Variants in NRCAM observed in about 807,000 individuals in gnomAD.
NRCAM encodes the protein neuronal cell adhesion molecule, also known as NgCAM-related cell adhesion molecule.
A neutral mutation model predicts 156.5 loss-of-function variants in NRCAM; 83 were observed. That is an observed-to-expected ratio of 0.53 (90% CI 0.44 to 0.64). The LOEUF (loss-of-function observed/expected upper bound fraction) is 0.64. Among genes scored for constraint, NRCAM ranks in the 30% least tolerant of loss-of-function variants. The probability of loss-of-function intolerance (pLI) is 0.00; values close to 1 mark genes in which losing one functional copy is unlikely to be tolerated. For synonymous variants in NRCAM, 538 were observed against 563.9 expected (o/e 0.95, Z 0.65); for missense variants, 1,417 against 1,597.3 (o/e 0.89, Z 1.92).
intron 13 of NRCAM, among the ~76,000 whole-genome samples, chr7:108,204,448 G>A (rs927155358): frequency 1.3e-5 from 2 of 152,318 alleles, no homozygotes; most frequent in East Asian, 1.9e-4. Flanking sequence ...CAGAGGCCCC[G>A]CTGGCTCATC....
intron 26 of NRCAM, among the ~76,000 whole-genome samples, chr7:108,177,694 T>C (rs1237881942): frequency 1.1e-4 from 2 of 18,110 alleles, no homozygotes; most frequent in African/African-American, 1.8e-4. Context: ...TGTATATATA[T>C]ATACACGTAT....
chr7:108,311,629 T>G (rs1380644798), intron 3 of NRCAM, among the ~76,000 whole-genome samples: 1 of 152,176 alleles, frequency 6.6e-6, no homozygotes, highest in Non-Finnish European at 1.5e-5. Context: ...TCTACTAATT[T>G]GGGGATTTCT....
At chr7:108,196,308 C>T (rs536545287) in intron 14 of NRCAM, among the ~76,000 whole-genome samples, 2 of 152,206 alleles carry the variant, frequency 1.3e-5, no homozygotes, top group East Asian at 1.9e-4. Context: ...AATGGAACCA[C>T]AGCAACAAAA....
chr7:108,223,818 C>T lies in NRCAM; in HGVS notation c.797G>A (p.Arg266Lys). Residue 266 changes from arginine to lysine, a missense_variant, in exon 11 of 33, where the codon AGG becomes AAG. Arg to Lys is a conservative substitution (Grantham distance 26, BLOSUM62 2). Coordinates refer to ENST00000379028, the MANE Select transcript of NRCAM (RefSeq NM_001037132.4). Reference sequence around the variant, plus strand: ...TTCTGGAGTTAAAAATGTTGGTGGCCTCTCTCTACTTGATTTAGCTGCAAA... The same window carrying T: ...TTCTGGAGTTAAAAATGTTGGTGGCTTCTCTCTACTTGATTTAGCTGCAAA... ...EFYGAKSSRE[R>K]PPTFLTPEGN... The T allele has an allele frequency of 1.3e-6, 2 of 1,594,140 alleles. No individual in the cohort carries two copies. Among genetic ancestry groups the T allele is most frequent in the East Asian group, 2.2e-5 (1 of 44,662 alleles).
chr7:108,234,307 A>G (rs989553028), intron 6 of NRCAM, among the ~76,000 whole-genome samples: 1 of 152,214 alleles, frequency 6.6e-6, no homozygotes, highest in Non-Finnish European at 1.5e-5. Flanking sequence ...ATGGGCTCTA[A>G]TTAAGCAGAG....
At chr7:108,315,925 A>T (rs533938153) in intron 2 of NRCAM, among the ~76,000 whole-genome samples, 3 of 152,356 alleles carry the variant, frequency 2.0e-5, no homozygotes, top group Non-Finnish European at 2.9e-5. Context: ...AATAGTGAGC[A>T]AATTACATTG....
intron 11 of NRCAM, among the ~76,000 whole-genome samples, chr7:108,217,328 G>C (rs1055599969): frequency 1.3e-5 from 2 of 152,132 alleles, no homozygotes; most frequent in Non-Finnish European, 2.9e-5. Context: ...GATGTCAGCC[G>C]GAGCTCTCCT....
intron 1 of NRCAM, among the ~76,000 whole-genome samples, chr7:108,455,357 A>T (rs1222710042): frequency 6.6e-6 from 1 of 152,164 alleles, no homozygotes; most frequent in Non-Finnish European, 1.5e-5. Flanking sequence ...TGGATGCTCC[A>T]GGGCGGGTAA....
At chr7:108,186,673 G>T (rs414892) in intron 20 of NRCAM, among the ~76,000 whole-genome samples, 103,400 of 152,040 alleles carry the variant, frequency 0.68, 37,210 homozygotes, top group East Asian at 0.96. Flanking sequence ...AATGTTTTCA[G>T]GTATTAAGTA....
chr7:108,164,384 T>C (rs1457177671), intron 30 of NRCAM, among the ~76,000 whole-genome samples: 1 of 152,026 alleles, frequency 6.6e-6, no homozygotes, highest in Non-Finnish European at 1.5e-5. Flanking sequence ...GATGGTGTAA[T>C]GGTAGGAAGA....
chr7:108,170,457 A>C (rs2057773561), intron 28 of NRCAM, among the ~76,000 whole-genome samples: 1 of 152,218 alleles, frequency 6.6e-6, no homozygotes, highest in Admixed American at 6.5e-5. Flanking sequence ...TCACTGAGAT[A>C]AATGCGTATC....
chr7:108,178,047 C>A lies in NRCAM; in HGVS notation c.2917G>T (p.Asp973Tyr). The A allele has an allele frequency of 6.2e-7, 1 of 1,613,536 alleles. No individual in the cohort carries two copies. Residue 973 changes from aspartate to tyrosine, a missense_variant, in exon 26 of 33, where the codon GAT becomes TAT. Around this residue, in one of 2 missense-constraint regions of NRCAM, gnomAD observed 1,238 missense variants for 1,336.4 expected, o/e 0.93. Transcript: ENST00000379028. ...PTLDSLTLEW[D>Y]PPSHPNGILT... Reference sequence around the variant, plus strand: ...ATGCCATTCGGGTGGCTCGGTGGATCCCATTCCAAAGTGAGAGAGTCCAGT... The same window carrying A: ...ATGCCATTCGGGTGGCTCGGTGGATACCATTCCAAAGTGAGAGAGTCCAGT...
At chr7:108,303,512 T>C (rs1214110564) in intron 3 of NRCAM, among the ~76,000 whole-genome samples, 1 of 152,168 alleles carries the variant, frequency 6.6e-6, no homozygotes, top group Non-Finnish European at 1.5e-5. Context: ...GCTGCTGGGG[T>C]GTCTGTTCTG....
intron 1 of NRCAM, among the ~76,000 whole-genome samples, chr7:108,431,356 G>A (rs552372189): frequency 6.6e-6 from 1 of 152,200 alleles, no homozygotes; most frequent in Non-Finnish European, 1.5e-5. Flanking sequence ...TACATCTTGT[G>A]TTTGGGAAAT....
chr7:108,452,218 A>G (rs1298840994), intron 1 of NRCAM, among the ~76,000 whole-genome samples: 1 of 152,202 alleles, frequency 6.6e-6, no homozygotes, highest in Non-Finnish European at 1.5e-5. Context: ...GGTGATTGCT[A>G]GTGGGTAGGG....
At chr7:108,301,459 T>G (rs1211249065) in intron 3 of NRCAM, among the ~76,000 whole-genome samples, 1 of 152,162 alleles carries the variant, frequency 6.6e-6, no homozygotes, top group South Asian at 2.1e-4. Flanking sequence ...ACCTGGGAAG[T>G]CATTAGCACC....
intron 3 of NRCAM, among the ~76,000 whole-genome samples, chr7:108,310,915 C>T (rs750102596): frequency 6.6e-5 from 10 of 152,136 alleles, no homozygotes; most frequent in South Asian, 2.1e-4. Context: ...AGCCTTTTCA[C>T]TTGTTGCTCT....
At position 108,454,569 on chromosome 7, in the gene NRCAM, G is replaced by GT. The variant is rs529676060; in HGVS notation, c.-332+1673dup. 7.2e-5 allele frequency among the ~76,000 whole-genome samples: 11 copies of GT among 152,318 alleles called. No homozygotes were observed. In the South Asian group the frequency reaches 1.9e-3, roughly 26 times the overall value. On this transcript the variant is annotated intron_variant, in intron 1 of 32. Transcript: ENST00000379028. ...GCTATCGTTACCATTAAAGCAGCAA[G>GT]TATCAGTTGCCTAACTCCATTTCAG...
At chr7:108,328,074 A>C (rs1024321733) in intron 2 of NRCAM, among the ~76,000 whole-genome samples, 2 of 152,206 alleles carry the variant, frequency 1.3e-5, no homozygotes, top group African/African-American at 4.8e-5. Flanking sequence ...CTGATGACAA[A>C]CAAACATACC....
Sources: gnomAD v4.1 joint callset for allele counts (sites outside exome capture counted in the v4.1 genomes callset) on GRCh38, gnomAD v4.1.1 for gene constraint, gnomAD v4.1.1 regional missense constraint, MANE v1.5 for transcripts, NCBI Gene and HGNC (gene_info 2026-07-23, HGNC 2026-07-21) for gene names.